The following RABGAP1L variants were observed in gnomAD, a reference collection of about 807,000 sequenced individuals.
RABGAP1L encodes the protein rab GTPase-activating protein 1-like.
RABGAP1L carries 63 observed loss-of-function variants against 137.7 expected under a neutral mutation model. The observed-to-expected ratio is 0.46, with a 90% confidence interval of 0.37 to 0.56. The LOEUF (loss-of-function observed/expected upper bound fraction) is 0.56. RABGAP1L is among the 20% of genes least tolerant of loss of function. RABGAP1L has a pLI of 0.00. For synonymous variants in RABGAP1L, 431 were observed against 433.7 expected (o/e 0.99, Z 0.08); for missense variants, 1,095 against 1,244.0 (o/e 0.88, Z 1.80).
intron 10 of RABGAP1L, among the ~76,000 whole-genome samples, chr1:174,281,207 G>C (rs930079651): frequency 6.6e-6 from 1 of 152,198 alleles, no homozygotes; most frequent in African/African-American, 2.4e-5. Flanking sequence ...GGTTGCTGCT[G>C]CTGGCTTAGG....
chr1:174,683,067 T>C (rs1221918251), intron 14 of RABGAP1L, among the ~76,000 whole-genome samples: 2 of 150,542 alleles, frequency 1.3e-5, no homozygotes, highest in Admixed American at 1.3e-4. Context: ...GGTTTTTTTT[T>C]TTTTTTTTTT....
intron 11 of RABGAP1L, among the ~76,000 whole-genome samples, chr1:174,346,173 A>G (rs564275494): frequency 3.3e-5 from 5 of 152,152 alleles, no homozygotes; most frequent in South Asian, 2.1e-4. Flanking sequence ...ATTTTTGCAT[A>G]ATTGTTCAAC....
intron 7 of RABGAP1L, among the ~76,000 whole-genome samples, chr1:174,267,648 T>C (rs991159390): frequency 1.3e-5 from 2 of 152,244 alleles, no homozygotes; most frequent in African/African-American, 4.8e-5. Flanking sequence ...AAAAATACTT[T>C]GTATTGTAAA....
At chr1:174,621,071 C>G (rs1572556579) in intron 13 of RABGAP1L, among the ~76,000 whole-genome samples, 2 of 152,064 alleles carry the variant, frequency 1.3e-5, no homozygotes, top group African/African-American at 4.8e-5. Context: ...TACACCCTCC[C>G]AAGACTAAAC....
chr1:174,954,545 G>A (rs115564402), intron 19 of RABGAP1L, among the ~76,000 whole-genome samples: 1,620 of 152,212 alleles, frequency 0.011, 30 homozygotes, highest in African/African-American at 0.037. Context: ...ATTGATAATA[G>A]TTTGAAGTTT....
chr1:174,913,032 A>G (rs998871389), intron 19 of RABGAP1L, among the ~76,000 whole-genome samples: 1 of 151,676 alleles, frequency 6.6e-6, no homozygotes, highest in African/African-American at 2.4e-5. Context: ...TTAGAGTGCA[A>G]TGGCACAATC....
chr1:174,261,631 A>G (rs1382966385), intron 7 of RABGAP1L, among the ~76,000 whole-genome samples: 1 of 152,186 alleles, frequency 6.6e-6, no homozygotes, highest in Admixed American at 6.5e-5. Flanking sequence ...ACTAAATTTG[A>G]TGGACAGTAG....
intron 13 of RABGAP1L, among the ~76,000 whole-genome samples, chr1:174,620,512 A>T (rs1672348990): frequency 6.6e-6 from 1 of 152,246 alleles, no homozygotes; most frequent in African/African-American, 2.4e-5. Flanking sequence ...ATGGAAACTG[A>T]ACAACCTGCT....
chr1:174,195,616 T>TCTTTCTTTCTTTCTTC (rs1234228992), intron 1 of RABGAP1L, among the ~76,000 whole-genome samples: 27 of 57,662 alleles, frequency 4.7e-4, no homozygotes, highest in South Asian at 7.9e-4. Context: ...TTTCTTTCTT[T>TCTTTCTTTCTTTCTTC]CTTCCTTCCT....
intron 9 of RABGAP1L, among the ~76,000 whole-genome samples, chr1:174,278,134 G>A (rs1226493138): frequency 6.6e-6 from 1 of 152,208 alleles, no homozygotes; most frequent in East Asian, 1.9e-4. Flanking sequence ...CAGGTGTGGT[G>A]GCTCACGCTT....
rs527772255 is a variant in RABGAP1L at position 174,958,719 on chromosome 1, G to T, written c.2433+1170G>T. 9.2e-4 allele frequency among the ~76,000 whole-genome samples: 140 copies of T among 152,330 alleles called. 1 individual carries two copies. In the South Asian group the frequency reaches 0.019, roughly 21 times the overall value. On this transcript the variant is annotated intron_variant, in intron 20 of 25. Transcript: ENST00000681986. ...GTGCAGAGGAACATGGTGGGAGTATGTAGGTTTTGTAGTCAGACAGACCTG... is the reference window on the plus strand; with the variant it reads ...GTGCAGAGGAACATGGTGGGAGTATTTAGGTTTTGTAGTCAGACAGACCTG...
chr1:174,627,902 A>G (rs12065825), intron 13 of RABGAP1L, among the ~76,000 whole-genome samples: 56,011 of 151,922 alleles, frequency 0.37, 13,550 homozygotes, highest in African/African-American at 0.69. Context: ...CTTGGTGGTG[A>G]TGGTCCAGAA....
chr1:174,382,911 C>T (rs1445651854), intron 12 of RABGAP1L, among the ~76,000 whole-genome samples: 2 of 151,592 alleles, frequency 1.3e-5, no homozygotes, highest in Non-Finnish European at 3.0e-5. Context: ...TTTTCCCCAT[C>T]TTTGTGGTTT....
chr1:174,429,360 C>G (rs958186816), intron 13 of RABGAP1L, among the ~76,000 whole-genome samples: 1 of 152,080 alleles, frequency 6.6e-6, no homozygotes, highest in African/African-American at 2.4e-5. Context: ...CCCTAACCAA[C>G]AAGCCCCTTT....
intron 19 of RABGAP1L, among the ~76,000 whole-genome samples, chr1:174,942,627 A>G (rs1240270676): frequency 2.0e-5 from 3 of 152,224 alleles, no homozygotes; most frequent in African/African-American, 7.2e-5. Flanking sequence ...CACCTACTTC[A>G]GAGATGTGAG....
chr1:174,215,741 A>G (rs1669258471), intron 1 of RABGAP1L, among the ~76,000 whole-genome samples: 1 of 152,172 alleles, frequency 6.6e-6, no homozygotes, highest in African/African-American at 2.4e-5. Flanking sequence ...CATTAGTACA[A>G]GCACTATGAA....
At chr1:174,585,750 C>A (rs1669065264) in intron 13 of RABGAP1L, among the ~76,000 whole-genome samples, 2 of 152,160 alleles carry the variant, frequency 1.3e-5, no homozygotes, top group Non-Finnish European at 1.5e-5. Flanking sequence ...GGTGGCATGG[C>A]AAGTTGTCAA....
At chr1:174,360,510 C>T (rs1439342148) in intron 11 of RABGAP1L, among the ~76,000 whole-genome samples, 1 of 152,010 alleles carries the variant, frequency 6.6e-6, no homozygotes, top group East Asian at 1.9e-4. Flanking sequence ...CAGGAAAAGT[C>T]AACACTAATA....
At chr1:174,685,996 C>T (rs973468326) in intron 15 of RABGAP1L, among the ~76,000 whole-genome samples, 2 of 152,142 alleles carry the variant, frequency 1.3e-5, no homozygotes, top group Non-Finnish European at 2.9e-5. Context: ...CATGAGAGTA[C>T]ATCAGATCAT....
Sources: gnomAD v4.1 joint callset for allele counts (sites outside exome capture counted in the v4.1 genomes callset) on GRCh38, gnomAD v4.1.1 for gene constraint, MANE v1.5 for transcripts, NCBI Gene and HGNC (gene_info 2026-07-23, HGNC 2026-07-21) for gene names.